Variants in ANGPT1 observed in about 807,000 individuals in gnomAD.
ANGPT1 encodes the protein angiopoietin-1.
A neutral mutation model predicts 62.2 loss-of-function variants in ANGPT1; 17 were observed. The observed-to-expected ratio is 0.27, with a 90% confidence interval of 0.19 to 0.41. The LOEUF (loss-of-function observed/expected upper bound fraction) is 0.41, where lower values mean the gene tolerates loss of function less well. Ranked by LOEUF, ANGPT1 falls within the 10% of genes least tolerant of loss-of-function variation. ANGPT1 has a pLI of 1.00. For missense variants in ANGPT1, 478 were observed against 594.9 expected, an observed-to-expected ratio of 0.80 and a Z score of 2.04; for synonymous variants, 199 against 198.9, an observed-to-expected ratio of 1.00 and a Z score of 0.00.
At chr8:107,456,411 A>G (rs1236253579) in intron 1 of ANGPT1, among the ~76,000 whole-genome samples, 1 of 152,066 alleles carries the variant, frequency 6.6e-6, no homozygotes, top group African/African-American at 2.4e-5. Flanking sequence ...CTAAAAATTG[A>G]GATGTAGAGA....
intron 1 of ANGPT1, among the ~76,000 whole-genome samples, chr8:107,486,055 C>T (rs1812805630): frequency 6.6e-6 from 1 of 152,162 alleles, no homozygotes; most frequent in Non-Finnish European, 1.5e-5. Flanking sequence ...CCTACAGTGC[C>T]ACCGTCAATT....
At chr8:107,415,821 A>G (rs1810724872) in intron 1 of ANGPT1, among the ~76,000 whole-genome samples, 1 of 152,130 alleles carries the variant, frequency 6.6e-6, no homozygotes, top group Non-Finnish European at 1.5e-5. Flanking sequence ...ACCTTTCCCT[A>G]TATCCAGTAT....
In ANGPT1 at chr8:107,357,927, A is replaced by T. The variant is rs986797816; in HGVS notation, c.298-10830T>A. 1.9e-3 allele frequency among the ~76,000 whole-genome samples: 282 copies of T among 152,264 alleles called. 2 individuals carry two copies. The highest frequency in any genetic ancestry group is 6.6e-3 in the African/African-American group (274 of 41,564). ...TCACTGTTCAACACTCTGACTTTTT[A>T]GGCTGTTATTACCTTTTCATTTATG... On this transcript the variant is annotated intron_variant, in intron 1 of 8. Coordinates refer to ENST00000517746, the MANE Select transcript of ANGPT1 (RefSeq NM_001146.5).
At chr8:107,279,478 T>C (rs1208732199) in intron 7 of ANGPT1, among the ~76,000 whole-genome samples, 1 of 152,208 alleles carries the variant, frequency 6.6e-6, no homozygotes, top group Non-Finnish European at 1.5e-5. Flanking sequence ...TGAACTTCTT[T>C]ATTTGAGGAT....
chr8:107,316,661 G>A (rs1455737588), intron 4 of ANGPT1, among the ~76,000 whole-genome samples: 2 of 151,998 alleles, frequency 1.3e-5, no homozygotes, highest in African/African-American at 2.4e-5. Context: ...GACAATGACT[G>A]CTCATTGATT....
At chr8:107,255,685 T>G (rs567134855) in intron 8 of ANGPT1, among the ~76,000 whole-genome samples, 1 of 152,304 alleles carries the variant, frequency 6.6e-6, no homozygotes, top group South Asian at 2.1e-4. Context: ...TTTAAGGAAC[T>G]GCTTAAGGTC....
At chr8:107,436,266 G>C (rs1009837374) in intron 1 of ANGPT1, among the ~76,000 whole-genome samples, 1 of 152,118 alleles carries the variant, frequency 6.6e-6, no homozygotes, top group African/African-American at 2.4e-5. Flanking sequence ...TTTCTTCAAG[G>C]CCACACAGTA....
chr8:107,431,510 G>A (rs1811186817), intron 1 of ANGPT1, among the ~76,000 whole-genome samples: 1 of 152,136 alleles, frequency 6.6e-6, no homozygotes, highest in Non-Finnish European at 1.5e-5. Context: ...TACATGTCCT[G>A]CCAGGTCCCG....
intron 8 of ANGPT1, among the ~76,000 whole-genome samples, chr8:107,255,720 G>C (rs1213157305): frequency 2.6e-5 from 4 of 152,098 alleles, no homozygotes; most frequent in African/African-American, 7.2e-5. Context: ...TAGATTCTAA[G>C]AGCTAACCAA....
At chr8:107,333,992 G>GGAAGGAAGGAA (rs1563573969) in intron 3 of ANGPT1, among the ~76,000 whole-genome samples, 11 of 27,174 alleles carry the variant, frequency 4.0e-4, no homozygotes, top group African/African-American at 5.4e-4. Flanking sequence ...GAGGGAGGGA[G>GGAAGGAAGGAA]GGAGGGAAGG....
chr8:107,261,968 G>A (rs1813502362), intron 8 of ANGPT1, among the ~76,000 whole-genome samples: 1 of 152,096 alleles, frequency 6.6e-6, no homozygotes, highest in Admixed American at 6.5e-5. Context: ...GCTGAGGTGG[G>A]TGGATGACCT....
chr8:107,488,704 T>G (rs910348931), intron 1 of ANGPT1, among the ~76,000 whole-genome samples: 5 of 152,162 alleles, frequency 3.3e-5, no homozygotes, highest in Admixed American at 2.0e-4. Context: ...TAGAAAATAA[T>G]AAGAAGACTG....
intron 8 of ANGPT1, among the ~76,000 whole-genome samples, chr8:107,261,669 C>T (rs1037563646): frequency 6.7e-6 from 1 of 150,100 alleles, no homozygotes; most frequent in African/African-American, 2.5e-5. Flanking sequence ...CGTGTCACTG[C>T]ACTCCAGCCT....
intron 4 of ANGPT1, among the ~76,000 whole-genome samples, chr8:107,316,204 CCT>C (rs1380689137): frequency 6.6e-6 from 1 of 152,000 alleles, no homozygotes; most frequent in African/African-American, 2.4e-5. Context: ...TCCATTTACC[CCT>C]GTTTAATATG....
At chr8:107,359,227 A>G (rs1816110836) in intron 1 of ANGPT1, among the ~76,000 whole-genome samples, 1 of 152,124 alleles carries the variant, frequency 6.6e-6, no homozygotes, top group Non-Finnish European at 1.5e-5. Flanking sequence ...GAGGAGTACA[A>G]TGTCTTTCAG....
intron 1 of ANGPT1, among the ~76,000 whole-genome samples, chr8:107,418,104 A>T (rs1406576021): frequency 2.0e-5 from 3 of 152,190 alleles, no homozygotes; most frequent in Non-Finnish European, 2.9e-5. Flanking sequence ...TCCTTTTTAC[A>T]TGAGATATAT....
chr8:107,334,814 G>A (rs562575594), intron 3 of ANGPT1, among the ~76,000 whole-genome samples: 27 of 152,118 alleles, frequency 1.8e-4, no homozygotes, highest in Non-Finnish European at 4.0e-4. Context: ...AGAATAAATG[G>A]TATATTTCAA....
At chr8:107,396,517 CTTTT>C (rs10686360) in intron 1 of ANGPT1, among the ~76,000 whole-genome samples, 1 of 84,830 alleles carries the variant, frequency 1.2e-5, no homozygotes, top group Non-Finnish European at 2.1e-5. Context: ...TCTTTTCTCT[CTTTT>C]TTTTTTTTTT....
intron 4 of ANGPT1, among the ~76,000 whole-genome samples, chr8:107,312,868 C>T (rs1447931093): frequency 6.6e-6 from 1 of 152,080 alleles, no homozygotes; most frequent in East Asian, 1.9e-4. Flanking sequence ...CCATGCCTGC[C>T]CTCTCGATGG....
Sources: allele counts gnomAD v4.1 joint callset (sites outside exome capture counted in the v4.1 genomes callset), GRCh38; gene constraint gnomAD v4.1.1; transcripts MANE v1.5; gene names NCBI Gene and HGNC (gene_info 2026-07-23, HGNC 2026-07-21).